The following LRMDA variants were observed in gnomAD, a reference collection of about 807,000 sequenced individuals.
LRMDA encodes leucine rich melanocyte differentiation associated.
In LRMDA, 18 loss-of-function variants were observed where a neutral mutation model predicts 29.8. The observed-to-expected ratio is 0.60, with a 90% CI of 0.42 to 0.90. The LOEUF (loss-of-function observed/expected upper bound fraction) is 0.90, where lower values mean the gene tolerates loss of function less well. Ranked by LOEUF, LRMDA falls within the 40% of genes least tolerant of loss-of-function variation. The pLI is 0.00. For missense variants in LRMDA, 273 were observed against 273.9 expected (o/e 1.00, Z 0.02); for synonymous variants, 125 against 109.4 (o/e 1.14, Z -0.89).
intron 5 of LRMDA, among the ~76,000 whole-genome samples, chr10:76,134,554 G>A (rs1042391937): frequency 6.6e-6 from 1 of 152,126 alleles, no homozygotes; most frequent in Admixed American, 6.5e-5. Context: ...AATAACTGCT[G>A]AAAATAGCTA....
intron 2 of LRMDA, among the ~76,000 whole-genome samples, chr10:76,000,247 A>G (rs1052054761): frequency 2.0e-5 from 3 of 152,182 alleles, no homozygotes; most frequent in East Asian, 3.8e-4. Flanking sequence ...GTGGCAAGTC[A>G]TCTTAAAAGG....
At chr10:76,408,225 C>G (rs994291636) in intron 6 of LRMDA, among the ~76,000 whole-genome samples, 2 of 152,098 alleles carry the variant, frequency 1.3e-5, no homozygotes, top group Non-Finnish European at 2.9e-5. Context: ...GATGAGGACA[C>G]CAGCGCACAA....
At chr10:76,257,750 C>T (rs183091083) in intron 5 of LRMDA, among the ~76,000 whole-genome samples, 8 of 152,142 alleles carry the variant, frequency 5.3e-5, no homozygotes, top group South Asian at 2.1e-4. Flanking sequence ...CAAACCACCT[C>T]GAAATTTAAT....
chr10:75,502,206 G>A (rs1845120827), intron 2 of LRMDA, among the ~76,000 whole-genome samples: 1 of 152,188 alleles, frequency 6.6e-6, no homozygotes, highest in African/African-American at 2.4e-5. Flanking sequence ...TCATTGGTAA[G>A]CCTGTTCCTG....
intron 2 of LRMDA, among the ~76,000 whole-genome samples, chr10:75,708,330 A>G (rs1035881743): frequency 1.3e-5 from 2 of 152,084 alleles, no homozygotes; most frequent in Non-Finnish European, 2.9e-5. Context: ...TACATAAACA[A>G]TCTTTCATTA....
At chr10:75,843,796 G>A (rs547204495) in intron 2 of LRMDA, among the ~76,000 whole-genome samples, 11 of 152,140 alleles carry the variant, frequency 7.2e-5, no homozygotes, top group Non-Finnish European at 1.6e-4. Context: ...CTGGTGAAAA[G>A]GTAAATAGCA....
chr10:75,834,851 G>A (rs149524917), intron 2 of LRMDA, among the ~76,000 whole-genome samples: 2 of 152,242 alleles, frequency 1.3e-5, no homozygotes, highest in East Asian at 1.9e-4. Flanking sequence ...GTTTCTCTGC[G>A]ACAGTCCTCG....
At position 75,431,625 on chromosome 10, in the gene LRMDA, G is replaced by GT. The variant is rs2132016396; in HGVS notation, c.-99dup. 1 of 1,077,128 alleles carries GT rather than the reference G, an allele frequency of 9.3e-7. No individual in the cohort carries two copies. Among genetic ancestry groups the GT allele is most frequent in the East Asian group, 3.9e-5 (1 of 25,668 alleles). The allele number at this position is 1,077,128 out of a possible 1,614,324, so 66.7% of individuals were successfully genotyped here. A position where few individuals can be genotyped will look rare whatever the true frequency, so the allele number is the denominator to read the frequency against. On this transcript the variant is annotated 5_prime_UTR_variant, in exon 1 of 7. Coordinates refer to ENST00000611255, the MANE Select transcript of LRMDA (RefSeq NM_001305581.2). The stretch of plus-strand genomic sequence containing the variant: ...TTCCGCCGGGTCAGCTGACTGCCCA[G>GT]TGCGGAACTGTGCGCCCGCCGCGCT...
chr10:75,541,134 C>T (rs1009022813), intron 2 of LRMDA, among the ~76,000 whole-genome samples: 3 of 152,136 alleles, frequency 2.0e-5, no homozygotes, highest in Admixed American at 1.3e-4. Context: ...CCTGGTGGGA[C>T]GGAATTCCCA....
At chr10:76,001,102 C>G (rs904417011) in intron 2 of LRMDA, among the ~76,000 whole-genome samples, 1 of 152,158 alleles carries the variant, frequency 6.6e-6, no homozygotes, top group African/African-American at 2.4e-5. Context: ...GGCACACCAC[C>G]CTGCCTTCCT....
chr10:76,304,274 G>T (rs973533627), intron 5 of LRMDA, among the ~76,000 whole-genome samples: 1 of 152,132 alleles, frequency 6.6e-6, no homozygotes, highest in Non-Finnish European at 1.5e-5. Context: ...CCAGACAGAC[G>T]CCACTGAATG....
At chr10:75,670,170 C>T (rs1841873472) in intron 2 of LRMDA, among the ~76,000 whole-genome samples, 1 of 152,174 alleles carries the variant, frequency 6.6e-6, no homozygotes, top group Non-Finnish European at 1.5e-5. Context: ...GCTACTTGTT[C>T]TCAGAATATT....
At chr10:76,223,420 C>T (rs1451297003) in intron 5 of LRMDA, among the ~76,000 whole-genome samples, 1 of 152,142 alleles carries the variant, frequency 6.6e-6, no homozygotes, top group Non-Finnish European at 1.5e-5. Flanking sequence ...AAAGCAGACT[C>T]CCTTGAGGCT....
chr10:75,454,171 T>C (rs577986012), intron 2 of LRMDA, among the ~76,000 whole-genome samples: 1 of 152,318 alleles, frequency 6.6e-6, no homozygotes, highest in South Asian at 2.1e-4. Context: ...GAGGGTCTTA[T>C]GACCAACTAT....
intron 2 of LRMDA, among the ~76,000 whole-genome samples, chr10:75,640,866 TG>T (rs961618082): frequency 1.3e-5 from 2 of 152,100 alleles, no homozygotes; most frequent in African/African-American, 4.8e-5. Context: ...AGAGTCTGAG[TG>T]GGGGATTCTC....
intron 2 of LRMDA, among the ~76,000 whole-genome samples, chr10:75,473,023 A>T (rs1844744165): frequency 6.6e-6 from 1 of 152,248 alleles, no homozygotes; most frequent in Non-Finnish European, 1.5e-5. Flanking sequence ...AGGTTTACCT[A>T]GCATGGGGTT....
chr10:76,092,364 G>A (rs1176666585), intron 5 of LRMDA, among the ~76,000 whole-genome samples: 2 of 152,130 alleles, frequency 1.3e-5, no homozygotes, highest in Non-Finnish European at 2.9e-5. Context: ...GTAAATTGAG[G>A]GCTGCAACTG....
intron 5 of LRMDA, among the ~76,000 whole-genome samples, chr10:76,157,750 C>T (rs1850565568): frequency 6.6e-6 from 1 of 151,306 alleles, no homozygotes; most frequent in South Asian, 2.1e-4. Context: ...AGGCATGTGT[C>T]ACTTAGCAAT....
intron 2 of LRMDA, chr10:75,451,380 G>A (rs940074581): frequency 6.6e-6 from 1 of 152,134 alleles, no homozygotes; most frequent in Non-Finnish European, 1.5e-5. Context: ...ATCACCTCTC[G>A]ACAGTTTGCT....
Sources: gnomAD v4.1 joint callset for allele counts (sites outside exome capture counted in the v4.1 genomes callset) on GRCh38, gnomAD v4.1.1 for gene constraint, MANE v1.5 for transcripts, NCBI Gene and HGNC (gene_info 2026-07-23, HGNC 2026-07-21) for gene names.